The following EYA2 variants were observed in gnomAD, a reference collection of about 807,000 sequenced individuals.
The protein encoded by EYA2 is protein phosphatase EYA2.
Under a neutral mutation model 69.2 loss-of-function variants are expected in EYA2, and 31 were observed. The ratio of observed to expected loss-of-function variants is 0.45; its 90% confidence interval spans 0.34 to 0.60. The LOEUF is 0.60. EYA2 is among the 20% of genes least tolerant of loss of function. The pLI, the probability that EYA2 is intolerant of heterozygous loss-of-function variation, is 0.02. For synonymous variants in EYA2, 257 were observed against 279.4 expected (o/e 0.92, Z 0.80); for missense variants, 622 against 701.2 (o/e 0.89, Z 1.28).
chr20:47,166,875 C>T (rs980552167), intron 10 of EYA2: 4 of 152,518 alleles, frequency 2.6e-5, no homozygotes, highest in Admixed American at 6.5e-5. Flanking sequence ...AGGATCCAGG[C>T]CCAGGCAGTC....
chr20:47,057,139 GAGGAAGGAAGGA>G lies in EYA2; in HGVS notation c.416-15012_416-15001del, dbSNP rs61126274. On this transcript the variant is annotated intron_variant, in intron 5 of 15. Coordinates refer to ENST00000327619, the MANE Select transcript of EYA2 (RefSeq NM_005244.5). ...GGGAAGGAAGAAGACAGGAAGGAGG[GAGGAAGGAAGGA>G]AGGAAGGAAGGAAGGAAGGAAGGAA... Among the ~76,000 whole-genome samples the G allele has an allele frequency of 8.5e-3, 1,103 of 129,172 alleles. 12 individuals are homozygous for G. The highest frequency in any genetic ancestry group is 0.012 in the Non-Finnish European group (757 of 62,236). 84.7% of individuals were successfully genotyped at this position (129,172 alleles called of 152,430 possible).
At chr20:47,012,086 C>G (rs376751190) in intron 4 of EYA2, among the ~76,000 whole-genome samples, 15 of 152,332 alleles carry the variant, frequency 9.8e-5, no homozygotes, top group African/African-American at 3.6e-4. Flanking sequence ...AGATCTGTAT[C>G]TCCTGACCTG....
intron 1 of EYA2, among the ~76,000 whole-genome samples, chr20:46,984,755 G>A (rs965727872): frequency 6.6e-5 from 10 of 152,202 alleles, no homozygotes; most frequent in Admixed American, 2.6e-4. Flanking sequence ...TTAGGAATGT[G>A]TGTGTATACA....
intron 1 of EYA2, among the ~76,000 whole-genome samples, chr20:46,934,048 C>T (rs2146254764): frequency 6.6e-6 from 1 of 152,358 alleles, no homozygotes; most frequent in South Asian, 2.1e-4. Flanking sequence ...GCCAGAGATG[C>T]TTCAACTGAT....
intron 1 of EYA2, among the ~76,000 whole-genome samples, chr20:46,959,145 A>G (rs1333300): frequency 0.96 from 145,543 of 152,334 alleles, 69,893 homozygotes; most frequent in Middle Eastern, 0.99. Context: ...CATTTGTTGG[A>G]AACCACCCAA....
chr20:47,165,559 A>T (rs552265892), intron 10 of EYA2, among the ~76,000 whole-genome samples: 1 of 152,160 alleles, frequency 6.6e-6, no homozygotes, highest in Non-Finnish European at 1.5e-5. Context: ...CCTTAAGAGC[A>T]CACCACTGTC....
At chr20:46,932,157 T>C (rs760670688) in intron 1 of EYA2, among the ~76,000 whole-genome samples, 61 of 152,090 alleles carry the variant, frequency 4.0e-4, no homozygotes, top group Non-Finnish European at 3.1e-4. Context: ...GCCTGCTTTC[T>C]GGCCTCCCGT....
At chr20:47,019,187 C>A (rs1983599551) in intron 5 of EYA2, among the ~76,000 whole-genome samples, 1 of 152,110 alleles carries the variant, frequency 6.6e-6, no homozygotes, top group South Asian at 2.1e-4. Flanking sequence ...TAGGGCCCCA[C>A]CCCCCACCTC....
chr20:46,896,101 G>A (rs2146204678), intron 1 of EYA2, among the ~76,000 whole-genome samples: 1 of 152,242 alleles, frequency 6.6e-6, no homozygotes. Flanking sequence ...TTAATTACGA[G>A]GTGCAGTGGA....
At chr20:46,992,199 G>A (rs78345905) in intron 2 of EYA2, among the ~76,000 whole-genome samples, 2,373 of 152,116 alleles carry the variant, frequency 0.016, 53 homozygotes, top group African/African-American at 0.053. Flanking sequence ...ACAAACACTC[G>A]GCACTTGTCG....
intron 9 of EYA2, among the ~76,000 whole-genome samples, chr20:47,129,922 A>T (rs2033295497): frequency 6.6e-6 from 1 of 152,164 alleles, no homozygotes; most frequent in African/African-American, 2.4e-5. Context: ...CCTGGAAGAA[A>T]TCAGGCAATT....
chr20:47,029,293 T>G lies in EYA2; in HGVS notation c.415+12996T>G, dbSNP rs148770474. Among the ~76,000 whole-genome samples, 259 of 152,322 alleles carry G rather than the reference T, an allele frequency of 1.7e-3. 1 individual carries two copies. The highest frequency in any genetic ancestry group is 5.9e-3 in the African/African-American group (244 of 41,574). On this transcript the variant is annotated intron_variant, in intron 5 of 15. Transcript: ENST00000327619. ...GGTTTCTAGAATTAAGAGTTGAAGT[T>G]GAACAAGGGCTCAGCCCATAGAAGG...
At chr20:46,934,652 G>T (rs1985830197) in intron 1 of EYA2, among the ~76,000 whole-genome samples, 1 of 152,114 alleles carries the variant, frequency 6.6e-6, no homozygotes, top group South Asian at 2.1e-4. Flanking sequence ...GACAACAGAT[G>T]TCCACTAGAT....
At chr20:47,026,882 A>G (rs1984117543) in intron 5 of EYA2, among the ~76,000 whole-genome samples, 2 of 152,238 alleles carry the variant, frequency 1.3e-5, no homozygotes, top group Non-Finnish European at 2.9e-5. Flanking sequence ...AACTCTATTT[A>G]ATGTGAAATC....
At chr20:47,014,628 A>ATGTGTG (rs56005987) in intron 4 of EYA2, among the ~76,000 whole-genome samples, 16,820 of 144,448 alleles carry the variant, frequency 0.12, 956 homozygotes, top group African/African-American at 0.14. Context: ...TGTGCACAAA[A>ATGTGTG]TGTGTGTGTG....
At chr20:47,156,637 C>T (rs1436129672) in intron 10 of EYA2, among the ~76,000 whole-genome samples, 1 of 151,914 alleles carries the variant, frequency 6.6e-6, no homozygotes, top group African/African-American at 2.4e-5. Context: ...TAACACTGAA[C>T]TCTCTCCAAA....
intron 9 of EYA2, among the ~76,000 whole-genome samples, chr20:47,109,178 C>G (rs964059586): frequency 6.6e-6 from 1 of 152,180 alleles, no homozygotes; most frequent in Admixed American, 6.5e-5. Context: ...ATTGCTTCTA[C>G]CCCTGTTGGC....
intron 1 of EYA2, among the ~76,000 whole-genome samples, chr20:46,912,810 C>T (rs1984718014): frequency 6.6e-6 from 1 of 151,198 alleles, no homozygotes; most frequent in Admixed American, 6.6e-5. Flanking sequence ...ACGCCATTCT[C>T]CTGCCTCAGC....
intron 1 of EYA2, among the ~76,000 whole-genome samples, chr20:46,965,651 C>T (rs1979730964): frequency 6.6e-6 from 1 of 152,360 alleles, no homozygotes; most frequent in African/African-American, 2.4e-5. Flanking sequence ...GTGACCCCAC[C>T]TGGTTGGTTC....
Sources: allele counts gnomAD v4.1 joint callset (sites outside exome capture counted in the v4.1 genomes callset), GRCh38; gene constraint gnomAD v4.1.1; transcripts MANE v1.5; gene names NCBI Gene and HGNC (gene_info 2026-07-23, HGNC 2026-07-21).